The following AKAP7 variants were observed in gnomAD, a reference collection of about 807,000 sequenced individuals.
AKAP7 encodes A kinase (PRKA) anchor protein 7.
AKAP7 carries 39 observed loss-of-function variants against 39.5 expected under a neutral mutation model. The ratio of observed to expected loss-of-function variants is 0.99; its 90% confidence interval spans 0.76 to 1.29. AKAP7 has a LOEUF of 1.29. AKAP7 is among the 50% of genes most tolerant of loss of function. The pLI is 0.00. For missense variants in AKAP7, 414 were observed against 407.7 expected, an observed-to-expected ratio of 1.02 and a Z score of -0.13; for synonymous variants, 140 against 139.1, an observed-to-expected ratio of 1.01 and a Z score of -0.05.
chr6:131,271,422 A>T (rs965793545), intron 7 of AKAP7, among the ~76,000 whole-genome samples: 1 of 152,126 alleles, frequency 6.6e-6, no homozygotes, highest in Admixed American at 6.6e-5. Context: ...GTCTATACTT[A>T]TGCCAATACC....
rs116615596 is a variant in AKAP7 at position 131,272,027 on chromosome 6, G to A, written c.851-9503G>A. On this transcript the variant is annotated intron_variant, in intron 7 of 7. Coordinates refer to ENST00000431975, the MANE Select transcript of AKAP7 (RefSeq NM_016377.4). Reference sequence around the variant, plus strand: ...ACTGAAAGAGCAAAGCCCCGGGACTGGTGAACTTCCCTGCCTTCCATAAGG... The same window carrying A: ...ACTGAAAGAGCAAAGCCCCGGGACTAGTGAACTTCCCTGCCTTCCATAAGG... Among the ~76,000 whole-genome samples the A allele has an allele frequency of 6.1e-3, 924 of 152,206 alleles. 10 individuals carry two copies. The highest frequency in any genetic ancestry group is 0.021 in the African/African-American group (870 of 41,532).
chr6:131,154,318 C>T (rs905322616), intron 2 of AKAP7, among the ~76,000 whole-genome samples: 1 of 152,058 alleles, frequency 6.6e-6, no homozygotes, highest in African/African-American at 2.4e-5. Context: ...GTTTATGAGT[C>T]TCAATCTTGA....
At chr6:131,169,848 A>T (rs531106478) in intron 5 of AKAP7, among the ~76,000 whole-genome samples, 2 of 152,064 alleles carry the variant, frequency 1.3e-5, no homozygotes, top group Non-Finnish European at 2.9e-5. Flanking sequence ...ATGTCATTTC[A>T]TGTCATCTCA....
chr6:131,206,903 A>G (rs1051916341), intron 6 of AKAP7, among the ~76,000 whole-genome samples: 1 of 152,106 alleles, frequency 6.6e-6, no homozygotes, highest in Non-Finnish European at 1.5e-5. Context: ...GCTTTTATAA[A>G]CCATGTTAAA....
chr6:131,240,672 G>C (rs1044745100), intron 7 of AKAP7, among the ~76,000 whole-genome samples: 1 of 152,184 alleles, frequency 6.6e-6, no homozygotes, highest in African/African-American at 2.4e-5. Context: ...TGCTAGCAAT[G>C]AGCAAGGCTC....
upstream of AKAP7, among the ~76,000 whole-genome samples, chr6:131,133,267 A>G (rs1441209763): frequency 6.6e-6 from 1 of 152,136 alleles, no homozygotes; most frequent in Non-Finnish European, 1.5e-5. Flanking sequence ...TATTATGGGT[A>G]TATAGATTTT....
intron 7 of AKAP7, among the ~76,000 whole-genome samples, chr6:131,230,859 T>G (rs979287422): frequency 2.6e-5 from 4 of 152,180 alleles, no homozygotes; most frequent in Admixed American, 1.3e-4. Context: ...TGTCATGTTT[T>G]GCTATAGTAT....
chr6:131,264,326 A>G (rs1813601638), intron 7 of AKAP7, among the ~76,000 whole-genome samples: 1 of 152,326 alleles, frequency 6.6e-6, no homozygotes, highest in South Asian at 2.1e-4. Context: ...TATGTATCAC[A>G]CTATTTCTGC....
intron 5 of AKAP7, chr6:131,184,457 G>T (rs1330534829): frequency 1.5e-6 from 1 of 658,944 alleles, no homozygotes; most frequent in Admixed American, 1.9e-5. Flanking sequence ...AGCCATGATC[G>T]CAGCATCACA....
Position 131,264,610 on chromosome 6 carries a change from G to T in AKAP7, c.851-16920G>T, listed in dbSNP as rs1290356907. The stretch of plus-strand genomic sequence containing the variant: ...CTTGTAACCTTCTAACTTGAAAGAG[G>T]GTCACAGTGTCTCTTTCATTTAAAT... On this transcript the variant is annotated intron_variant, in intron 7 of 7. Transcript: ENST00000431975. 2.6e-5 allele frequency among the ~76,000 whole-genome samples: 4 copies of T among 152,096 alleles called. No homozygotes were observed. The East Asian group carries it at 7.7e-4, about 29-fold the overall frequency.
intron 2 of AKAP7, among the ~76,000 whole-genome samples, chr6:131,152,121 G>A (rs1801972578): frequency 1.3e-5 from 2 of 152,184 alleles, no homozygotes; most frequent in South Asian, 4.1e-4. Context: ...ACATTAAAAT[G>A]GCTACTGAAA....
upstream of AKAP7, among the ~76,000 whole-genome samples, chr6:131,134,388 T>C (rs2128220631): frequency 6.6e-6 from 1 of 152,328 alleles, no homozygotes; most frequent in African/African-American, 2.4e-5. Context: ...TTCTGAACTG[T>C]TTTAAGCTCA....
At chr6:131,163,561 A>G (rs1803192161) in intron 3 of AKAP7, among the ~76,000 whole-genome samples, 2 of 152,192 alleles carry the variant, frequency 1.3e-5, no homozygotes, top group African/African-American at 4.8e-5. Flanking sequence ...CTAGTTTTAA[A>G]GAAAAAAGTA....
intron 2 of AKAP7, among the ~76,000 whole-genome samples, chr6:131,158,803 T>TATTTG (rs1802656616): frequency 6.6e-6 from 1 of 151,224 alleles, no homozygotes; most frequent in African/African-American, 2.4e-5. Flanking sequence ...CACCATGCCC[T>TATTTG]GCAGGGGAAC....
chr6:131,145,424 C>T lies in AKAP7; in HGVS notation c.151+8C>T, dbSNP rs1801403476. 2.1e-6 allele frequency: 3 copies of T among 1,448,572 alleles called. No individual in the cohort carries two copies. The highest frequency in any genetic ancestry group is 3.3e-5 in the South Asian group (2 of 59,712). The allele number at this position is 1,448,572 out of a possible 1,614,324, so 89.7% of individuals were successfully genotyped here. ...TTCAGGATGACTGTGGAAGTAAGTA[C>T]TTTATTAAGTAAACGCGTATTTAGA... On this transcript the variant is annotated splice_region_variant and intron_variant, in intron 2 of 7. Coordinates refer to ENST00000431975, the MANE Select transcript of AKAP7 (RefSeq NM_016377.4).
chr6:131,252,990 GT>G, intron 7 of AKAP7: 1 of 1,598,502 alleles, frequency 6.3e-7, no homozygotes. Flanking sequence ...AATTTGATGA[GT>G]TTTTGGTGAA....
chr6:131,147,130 A>T (rs565153967), intron 2 of AKAP7, among the ~76,000 whole-genome samples: 1 of 152,326 alleles, frequency 6.6e-6, no homozygotes, highest in East Asian at 1.9e-4. Context: ...AGTGCTCTTG[A>T]AATTATCTGA....
chr6:131,250,719 A>T, intron 7 of AKAP7: 2 of 1,157,530 alleles, frequency 1.7e-6, no homozygotes, highest in South Asian at 2.6e-5. Flanking sequence ...AGGATAGCAG[A>T]CTAATCAGCT....
At chr6:131,136,212 T>C (rs1225462367) in intron 1 of AKAP7, among the ~76,000 whole-genome samples, 4 of 152,194 alleles carry the variant, frequency 2.6e-5, no homozygotes, top group Non-Finnish European at 4.4e-5. Flanking sequence ...CTGTCTCATT[T>C]AGGATTTTCT....
Sources: allele counts gnomAD v4.1 joint callset (sites outside exome capture counted in the v4.1 genomes callset), GRCh38; gene constraint gnomAD v4.1.1; transcripts MANE v1.5; gene names NCBI Gene and HGNC (gene_info 2026-07-23, HGNC 2026-07-21).